LRRC4C: variants seen among roughly 807,000 people sequenced by gnomAD.
The protein encoded by LRRC4C is leucine rich repeat containing 4C, also known as leucine-rich repeat-containing protein 4C.
A neutral mutation model predicts 33.6 loss-of-function variants in LRRC4C; 5 were observed. That is an observed-to-expected ratio of 0.15 (90% CI 0.08 to 0.31). The LOEUF (loss-of-function observed/expected upper bound fraction) is 0.31. Ranked by LOEUF, LRRC4C falls within the 10% of genes least tolerant of loss-of-function variation. The pLI is 1.00. For synonymous variants in LRRC4C, 329 were observed against 302.0 expected, an observed-to-expected ratio of 1.09 and a Z score of -0.93; for missense variants, 560 against 796.7, an observed-to-expected ratio of 0.70 and a Z score of 3.58.
chr11:40,231,067 G>A (rs770134304), intron 5 of LRRC4C, among the ~76,000 whole-genome samples: 2 of 152,132 alleles, frequency 1.3e-5, no homozygotes, highest in Non-Finnish European at 2.9e-5. Flanking sequence ...ATGAGTACAC[G>A]TGGAGTCAGA....
At chr11:40,403,712 G>T (rs1448016186) in intron 3 of LRRC4C, among the ~76,000 whole-genome samples, 1 of 151,942 alleles carries the variant, frequency 6.6e-6, no homozygotes, top group Non-Finnish European at 1.5e-5. Flanking sequence ...ATGGTTTTTT[G>T]TTTATACCAC....
chr11:40,403,966 A>G (rs1287226089), intron 3 of LRRC4C, among the ~76,000 whole-genome samples: 3 of 152,154 alleles, frequency 2.0e-5, no homozygotes, highest in Admixed American at 2.0e-4. Flanking sequence ...GATTATTTCA[A>G]TAATGACCCA....
chr11:40,737,026 CT>C (rs1947904064), intron 2 of LRRC4C, among the ~76,000 whole-genome samples: 1 of 152,022 alleles, frequency 6.6e-6, no homozygotes, highest in African/African-American at 2.4e-5. Flanking sequence ...TCAATTTTGG[CT>C]TTGGTTGCCA....
chr11:41,422,311 C>T (rs2138334093), intron 1 of LRRC4C, among the ~76,000 whole-genome samples: 1 of 152,114 alleles, frequency 6.6e-6, no homozygotes, highest in East Asian at 1.9e-4. Flanking sequence ...TATGACAATC[C>T]CTTCTCCTTG....
At chr11:40,468,454 A>AT (rs1265040997) in intron 3 of LRRC4C, among the ~76,000 whole-genome samples, 5 of 152,220 alleles carry the variant, frequency 3.3e-5, no homozygotes, top group African/African-American at 1.2e-4. Context: ...CTTTTCTTGA[A>AT]TTCTATTAAT....
intron 1 of LRRC4C, among the ~76,000 whole-genome samples, chr11:41,334,920 C>A (rs1377003947): frequency 2.0e-5 from 3 of 152,150 alleles, no homozygotes; most frequent in Middle Eastern, 3.4e-3. Flanking sequence ...ACAAGAGTTT[C>A]TTTCCTGTCA....
chr11:40,508,077 C>T (rs1462340015), intron 3 of LRRC4C, among the ~76,000 whole-genome samples: 1 of 152,092 alleles, frequency 6.6e-6, no homozygotes, highest in Non-Finnish European at 1.5e-5. Context: ...TGTTATATCC[C>T]TCCAATAGCA....
intron 1 of LRRC4C, among the ~76,000 whole-genome samples, chr11:41,082,582 A>G (rs901258978): frequency 2.0e-5 from 3 of 152,142 alleles, no homozygotes; most frequent in African/African-American, 7.2e-5. Flanking sequence ...GAGGATTATC[A>G]CTTCTATTTT....
intron 2 of LRRC4C, among the ~76,000 whole-genome samples, chr11:40,715,565 G>C (rs1428660523): frequency 6.6e-6 from 1 of 152,156 alleles, no homozygotes; most frequent in Non-Finnish European, 1.5e-5. Flanking sequence ...GAAAATCCTT[G>C]TGCATGCTCA....
chr11:40,655,721 A>T (rs908757227), intron 2 of LRRC4C, among the ~76,000 whole-genome samples: 11 of 152,204 alleles, frequency 7.2e-5, no homozygotes, highest in African/African-American at 2.7e-4. Context: ...AGTGTGGCTG[A>T]AAATTTGGCA....
At chr11:40,951,906 T>C (rs1383606271) in intron 1 of LRRC4C, among the ~76,000 whole-genome samples, 2 of 151,966 alleles carry the variant, frequency 1.3e-5, no homozygotes, top group Admixed American at 1.3e-4. Flanking sequence ...TACATCCTGA[T>C]TGTATAAGCC....
chr11:40,547,937 C>T (rs1210296622), intron 3 of LRRC4C, among the ~76,000 whole-genome samples: 2 of 152,070 alleles, frequency 1.3e-5, no homozygotes, highest in Admixed American at 1.3e-4. Flanking sequence ...GGAGCGAGCT[C>T]TGAACAAAAT....
At chr11:40,190,206 T>C (rs944755411) in intron 5 of LRRC4C, among the ~76,000 whole-genome samples, 3 of 152,204 alleles carry the variant, frequency 2.0e-5, no homozygotes, top group Non-Finnish European at 2.9e-5. Flanking sequence ...GGCGAGTGAA[T>C]TTAAGAACTC....
intron 3 of LRRC4C, among the ~76,000 whole-genome samples, chr11:40,634,683 A>C (rs1334094032): frequency 6.6e-6 from 1 of 151,858 alleles, no homozygotes; most frequent in African/African-American, 2.4e-5. Flanking sequence ...CAGCTTGGGA[A>C]ATATAGTGCG....
chr11:40,509,008 A>G (rs1410567328), intron 3 of LRRC4C, among the ~76,000 whole-genome samples: 2 of 152,226 alleles, frequency 1.3e-5, no homozygotes, highest in African/African-American at 4.8e-5. Flanking sequence ...CTTGAAGCCA[A>G]CGAGGAAATA....
At chr11:41,123,278 T>G (rs530652910) in intron 1 of LRRC4C, among the ~76,000 whole-genome samples, 116 of 117,872 alleles carry the variant, frequency 9.8e-4, no homozygotes, top group African/African-American at 3.4e-3. Flanking sequence ...TTTTTTTTTT[T>G]TTTTTTTTTT....
intron 2 of LRRC4C, among the ~76,000 whole-genome samples, chr11:40,776,522 G>A (rs1024461893): frequency 6.6e-6 from 1 of 152,092 alleles, no homozygotes; most frequent in East Asian, 1.9e-4. Flanking sequence ...TTGCATAGAG[G>A]TGTTCATAAT....
intron 3 of LRRC4C, among the ~76,000 whole-genome samples, chr11:40,515,098 A>C (rs1590970828): frequency 6.6e-6 from 1 of 152,132 alleles, no homozygotes; most frequent in East Asian, 1.9e-4. Flanking sequence ...CATATTCTCA[A>C]ACAAAACGAC....
At chr11:41,040,297 A>G (rs1020291678) in intron 1 of LRRC4C, among the ~76,000 whole-genome samples, 5 of 151,572 alleles carry the variant, frequency 3.3e-5, no homozygotes, top group Admixed American at 6.6e-5. Flanking sequence ...GTTCTGCCAA[A>G]TTTTCAAAGG....
Sources: gnomAD v4.1 joint callset for allele counts (sites outside exome capture counted in the v4.1 genomes callset) on GRCh38, gnomAD v4.1.1 for gene constraint, MANE v1.5 for transcripts, NCBI Gene and HGNC (gene_info 2026-07-23, HGNC 2026-07-21) for gene names.